The following PTPRK variants were observed in gnomAD, a reference collection of about 807,000 sequenced individuals.
PTPRK encodes protein tyrosine phosphatase receptor type K.
PTPRK carries 75 observed loss-of-function variants against 178.0 expected under a neutral mutation model. That is an observed-to-expected ratio of 0.42 (90% CI 0.35 to 0.51). The LOEUF (loss-of-function observed/expected upper bound fraction) is 0.51. Ranked by LOEUF, PTPRK falls within the 20% of genes least tolerant of loss-of-function variation. The pLI, the probability that PTPRK is intolerant of heterozygous loss-of-function variation, is 0.02. For missense variants in PTPRK, 1,441 were observed against 1,797.8 expected (o/e 0.80, Z 3.59); for synonymous variants, 637 against 620.6 (o/e 1.03, Z -0.39).
At chr6:128,253,737 C>G (rs769927654) in intron 3 of PTPRK, among the ~76,000 whole-genome samples, 2 of 152,162 alleles carry the variant, frequency 1.3e-5, no homozygotes, top group African/African-American at 2.4e-5. Flanking sequence ...CAAATTTAAA[C>G]AACTCTCAAT....
chr6:128,235,491 T>G, intron 5 of PTPRK: 1 of 394,806 alleles, frequency 2.5e-6, no homozygotes, highest in Non-Finnish European at 5.4e-6. Flanking sequence ...CTTCAAGTTA[T>G]GAATCACAAA....
At chr6:128,346,608 A>G (rs1472978102) in intron 2 of PTPRK, among the ~76,000 whole-genome samples, 1 of 152,188 alleles carries the variant, frequency 6.6e-6, no homozygotes, top group African/African-American at 2.4e-5. Context: ...TCTTAAAGAA[A>G]GATAAAACAT....
At chr6:128,185,596 T>C (rs907870991) in intron 6 of PTPRK, among the ~76,000 whole-genome samples, 1 of 152,140 alleles carries the variant, frequency 6.6e-6, no homozygotes, top group African/African-American at 2.4e-5. Context: ...CCTGGAACAC[T>C]TCTCACTTTT....
At chr6:128,052,711 C>T (rs566348578) in intron 13 of PTPRK, among the ~76,000 whole-genome samples, 4 of 152,148 alleles carry the variant, frequency 2.6e-5, no homozygotes, top group Non-Finnish European at 5.9e-5. Flanking sequence ...TTAATCTGTA[C>T]CCTTTTATAA....
intron 1 of PTPRK, among the ~76,000 whole-genome samples, chr6:128,446,322 C>A (rs1847020924): frequency 6.6e-6 from 1 of 152,102 alleles, no homozygotes; most frequent in Non-Finnish European, 1.5e-5. Context: ...GTCATGGATT[C>A]CAAATGAAGA....
At chr6:128,236,344 T>C (rs1039732958) in intron 5 of PTPRK, among the ~76,000 whole-genome samples, 3 of 127,034 alleles carry the variant, frequency 2.4e-5, no homozygotes, top group African/African-American at 8.9e-5. Flanking sequence ...TCTAAATTTC[T>C]TTTTTTTTTT....
intron 1 of PTPRK, among the ~76,000 whole-genome samples, chr6:128,467,155 G>A (rs530436038): frequency 6.6e-5 from 10 of 152,062 alleles, no homozygotes; most frequent in East Asian, 1.9e-4. Flanking sequence ...GAGCACCACC[G>A]CGCCCGGCTA....
At chr6:128,360,167 T>C (rs996650622) in intron 2 of PTPRK, among the ~76,000 whole-genome samples, 18 of 152,344 alleles carry the variant, frequency 1.2e-4, no homozygotes, top group African/African-American at 4.3e-4. Context: ...GCTTAAGAGA[T>C]CATTTCATAA....
intron 1 of PTPRK, among the ~76,000 whole-genome samples, chr6:128,518,455 C>A (rs1858424226): frequency 6.6e-6 from 1 of 152,150 alleles, no homozygotes; most frequent in South Asian, 2.1e-4. Context: ...GAAAATATAT[C>A]CATCGCTGTT....
At chr6:128,220,801 C>T (rs1278531850) in intron 5 of PTPRK, among the ~76,000 whole-genome samples, 3 of 152,168 alleles carry the variant, frequency 2.0e-5, no homozygotes, top group African/African-American at 7.2e-5. Flanking sequence ...CAGTAAGATA[C>T]GATGGGACAG....
chr6:128,263,166 A>C (rs1818434943), intron 3 of PTPRK, among the ~76,000 whole-genome samples: 1 of 152,162 alleles, frequency 6.6e-6, no homozygotes, highest in African/African-American at 2.4e-5. Context: ...CTATGAGAAG[A>C]GGTGGCTGGC....
At chr6:128,378,145 T>C (rs1403948066) in intron 2 of PTPRK, among the ~76,000 whole-genome samples, 1 of 152,170 alleles carries the variant, frequency 6.6e-6, no homozygotes, top group Non-Finnish European at 1.5e-5. Context: ...TCTCTATATG[T>C]AATTAAGAAA....
chr6:128,281,621 A>G (rs1416379718), intron 3 of PTPRK, among the ~76,000 whole-genome samples: 1 of 152,106 alleles, frequency 6.6e-6, no homozygotes, highest in Non-Finnish European at 1.5e-5. Context: ...TACTTTCCAT[A>G]AATCCTTCCC....
intron 1 of PTPRK, among the ~76,000 whole-genome samples, chr6:128,493,590 C>A (rs1197275683): frequency 1.7e-5 from 1 of 59,678 alleles, no homozygotes; most frequent in African/African-American, 8.0e-5. Context: ...CTCCCGCCCC[C>A]TACACACACA....
chr6:127,969,242 G>T lies in PTPRK; in HGVS notation c.*985C>A, dbSNP rs1231083890. 6.6e-6 allele frequency: 1 copy of T among 152,102 alleles called. No individual in the cohort carries two copies. The highest frequency in any genetic ancestry group is 2.4e-5 in the African/African-American group (1 of 41,424). 9.4% of individuals were successfully genotyped at this position (152,102 alleles called of 1,614,324 possible). On this transcript the variant is annotated 3_prime_UTR_variant, in exon 30 of 30. Transcript: ENST00000368226. ...CAACATTGTGCAAGTTGTCAGCAAG[G>T]CCTTTTAATGTGTACATTTCTCATG...
At chr6:128,168,052 A>C (rs1226008372) in intron 7 of PTPRK, among the ~76,000 whole-genome samples, 3 of 152,138 alleles carry the variant, frequency 2.0e-5, no homozygotes, top group African/African-American at 7.2e-5. Flanking sequence ...GAGCAAAATA[A>C]GAGTAGTACT....
At chr6:128,340,568 T>C (rs1375764496) in intron 2 of PTPRK, among the ~76,000 whole-genome samples, 1 of 152,200 alleles carries the variant, frequency 6.6e-6, no homozygotes, top group Non-Finnish European at 1.5e-5. Context: ...GAAAACTTTC[T>C]CACAGACCTC....
intron 13 of PTPRK, among the ~76,000 whole-genome samples, chr6:128,035,799 C>G (rs1025582038): frequency 6.6e-6 from 1 of 152,028 alleles, no homozygotes; most frequent in Non-Finnish European, 1.5e-5. Flanking sequence ...TAGATTAAGA[C>G]TCTATAATAT....
intron 7 of PTPRK, among the ~76,000 whole-genome samples, chr6:128,158,297 A>T (rs1798223527): frequency 1.3e-5 from 2 of 151,878 alleles, no homozygotes; most frequent in Non-Finnish European, 2.9e-5. Flanking sequence ...CATTAGGAGA[A>T]ATACCTAATG....
Sources: gnomAD v4.1 joint callset for allele counts (sites outside exome capture counted in the v4.1 genomes callset) on GRCh38, gnomAD v4.1.1 for gene constraint, MANE v1.5 for transcripts, NCBI Gene and HGNC (gene_info 2026-07-23, HGNC 2026-07-21) for gene names.